The following MROH2B variants were observed in gnomAD, a reference collection of about 807,000 sequenced individuals.
MROH2B encodes maestro heat like repeat family member 2B, also known as maestro heat-like repeat-containing protein family member 2B.
A neutral mutation model predicts 208.6 loss-of-function variants in MROH2B; 177 were observed. The observed-to-expected ratio is 0.85, with a 90% CI of 0.75 to 0.96. The LOEUF is 0.96. MROH2B is among the 40% of genes least tolerant of loss of function. The pLI is 0.00. For missense variants in MROH2B, 2,002 were observed against 1,878.7 expected, an observed-to-expected ratio of 1.07 and a Z score of -1.21; for synonymous variants, 728 against 659.0, an observed-to-expected ratio of 1.10 and a Z score of -1.60.
chr5:41,018,341 C>T lies in MROH2B; in HGVS notation c.2763G>A (p.Glu921=), dbSNP rs1216328689. The T allele has an allele frequency of 2.5e-6, 4 of 1,611,478 alleles. No homozygotes were observed. Among genetic ancestry groups the T allele is most frequent in the East Asian group, 4.5e-5 (2 of 44,872 alleles). ...ITAKVLTNDI[E]APENFKIGSL... ...CTATTCATTCTAGGGGATTACTTAC[C>T]TCAATATCATTTGTCAGCACTTTCG... Residue 921 remains glutamate (E), a splice_region_variant and synonymous_variant, in exon 27 of 42, where the codon GAG becomes GAA. Coordinates refer to ENST00000399564, the MANE Select transcript of MROH2B (RefSeq NM_173489.5).
At chr5:41,052,328 T>C in intron 12 of MROH2B, 137 bp downstream of exon 12, 2 of 796,630 alleles carry the variant, frequency 2.5e-6, no homozygotes, top group Non-Finnish European at 3.3e-6. Context: ...ATTTTTAATT[T>C]TTTTAAAATT....
intron 24 of MROH2B, among the ~76,000 whole-genome samples, chr5:41,023,791 G>A (rs373373590): frequency 2.0e-5 from 3 of 152,218 alleles, no homozygotes; most frequent in East Asian, 1.9e-4. Context: ...GAGAAAGGTC[G>A]GGTTACTCAC....
intron 28 of MROH2B, among the ~76,000 whole-genome samples, chr5:41,015,778 TA>T (rs1245726607): frequency 1.3e-5 from 2 of 152,156 alleles, no homozygotes; most frequent in East Asian, 3.9e-4. Context: ...ACACGGTGAA[TA>T]AAAATAGGAG....
rs1466260622 is a variant in MROH2B, at chr5:41,070,951, G to T, written c.-99C>A. Reference sequence around the variant, plus strand: ...GCAGGTTGGCAAGTTTCTCATATAAGGTTCACATAAGCCTCTCTAAATGAA... The same window carrying T: ...GCAGGTTGGCAAGTTTCTCATATAATGTTCACATAAGCCTCTCTAAATGAA... On this transcript the variant is annotated 5_prime_UTR_variant, in exon 1 of 42. Coordinates refer to ENST00000399564, the MANE Select transcript of MROH2B (RefSeq NM_173489.5). 5 of 1,217,044 alleles carry T rather than the reference G, an allele frequency of 4.1e-6. No individual in the cohort carries two copies. The highest frequency in any genetic ancestry group is 1.5e-5 in the African/African-American group (1 of 66,346). 75.4% of individuals were successfully genotyped at this position (1,217,044 alleles called of 1,614,324 possible). A position where few individuals can be genotyped will look rare whatever the true frequency, so the allele number is the denominator to read the frequency against.
In MROH2B at chr5:41,055,797, A is replaced by G. The variant is rs1321924088; in HGVS notation, c.978T>C (p.Asn326=). The stretch of plus-strand genomic sequence containing the variant: ...TCAAGATTCCCACTCGAATGGCTTC[A>G]TTATTACTTCTTACTTGTTCATCAA... ...EFFDEQVRSN[N]EAIRVGILTL... is the part of the protein sequence containing the mutation. Residue 326 remains asparagine (N), a synonymous_variant, in exon 10 of 42, where the codon AAT becomes AAC. Coordinates refer to ENST00000399564, the MANE Select transcript of MROH2B (RefSeq NM_173489.5). 1 of 1,613,782 alleles carries G rather than the reference A, an allele frequency of 6.2e-7. No homozygotes were observed. The highest frequency in any genetic ancestry group is 2.2e-5 in the East Asian group (1 of 44,878).
At chr5:41,041,188 T>C (rs1342167288) in intron 19 of MROH2B, among the ~76,000 whole-genome samples, 1 of 152,136 alleles carries the variant, frequency 6.6e-6, no homozygotes, top group Non-Finnish European at 1.5e-5. Flanking sequence ...AGTCTAGTGG[T>C]TTCTGGCCAT....
At chr5:40,999,039 T>G (rs1202150127) in intron 40 of MROH2B, among the ~76,000 whole-genome samples, 1 of 152,216 alleles carries the variant, frequency 6.6e-6, no homozygotes, top group Non-Finnish European at 1.5e-5. Context: ...AATCTTCAGA[T>G]TTTTAATTTG....
At chr5:41,001,319 C>T (rs1741389539) in intron 37 of MROH2B, among the ~76,000 whole-genome samples, 1 of 152,136 alleles carries the variant, frequency 6.6e-6, no homozygotes, top group Non-Finnish European at 1.5e-5. Flanking sequence ...CCTTGGTTCT[C>T]AGAGAGGTTA....
chr5:41,055,196 T>C (rs971247560), intron 10 of MROH2B, among the ~76,000 whole-genome samples: 1 of 152,180 alleles, frequency 6.6e-6, no homozygotes, highest in East Asian at 1.9e-4. Context: ...AACTATACCA[T>C]ACTATGCAAA....
chr5:41,009,665 A>G (rs1020035402), intron 31 of MROH2B, among the ~76,000 whole-genome samples: 15 of 152,214 alleles, frequency 9.9e-5, no homozygotes, highest in African/African-American at 3.6e-4. Flanking sequence ...AAAGAGGAGA[A>G]TATTCACTTT....
intron 37 of MROH2B, among the ~76,000 whole-genome samples, chr5:41,001,727 AG>A (rs201921105): frequency 3.2e-4 from 48 of 151,150 alleles, no homozygotes; most frequent in Middle Eastern, 3.4e-3. Flanking sequence ...AAAAAAAGAA[AG>A]AAAAAAAAAA....
chr5:41,034,615 A>ATT (rs199572331), intron 21 of MROH2B, among the ~76,000 whole-genome samples: 32 of 152,030 alleles, frequency 2.1e-4, no homozygotes, highest in African/African-American at 7.7e-4. Flanking sequence ...GTAAAATGCC[A>ATT]TTTTTTTGGG....
intron 24 of MROH2B, among the ~76,000 whole-genome samples, chr5:41,029,599 T>C (rs1742496750): frequency 6.6e-6 from 1 of 152,174 alleles, no homozygotes; most frequent in Non-Finnish European, 1.5e-5. Flanking sequence ...TGGACCCTTA[T>C]GTTACACCAT....
At position 41,004,885 on chromosome 5, in the gene MROH2B, AT is replaced by A. The variant is rs1741526557; in HGVS notation, c.3899del (p.Asn1300IlefsTer6). On this transcript the variant is annotated frameshift_variant, in exon 36 of 42. Transcript: ENST00000399564. LOFTEE classifies it high-confidence loss of function. ...CCATCAAGATCAGCACATTTCGCAG[AT>A]TCCCATGCTTCCAAAGGATTGGTTC... The part of the protein sequence containing the change: ...MKEPILWKHG[N>X]LRNVLILMDQ... The A allele has an allele frequency of 2.5e-6, 4 of 1,613,888 alleles. No individual in the cohort carries two copies. Among genetic ancestry groups the A allele is most frequent in the Admixed American group, 1.7e-5 (1 of 60,006 alleles).
chr5:41,025,097 T>C (rs1742302299), intron 24 of MROH2B, among the ~76,000 whole-genome samples: 2 of 152,224 alleles, frequency 1.3e-5, no homozygotes, highest in South Asian at 4.1e-4. Flanking sequence ...AATCTAAAAT[T>C]GACACCCTAA....
At chr5:41,024,575 C>A (rs1439821227) in intron 24 of MROH2B, among the ~76,000 whole-genome samples, 1 of 152,064 alleles carries the variant, frequency 6.6e-6, no homozygotes, top group African/African-American at 2.4e-5. Flanking sequence ...GACTCCCACA[C>A]AATAATAATG....
chr5:41,010,468 G>C (rs558128179), intron 30 of MROH2B, among the ~76,000 whole-genome samples: 7 of 152,202 alleles, frequency 4.6e-5, no homozygotes, highest in Non-Finnish European at 8.8e-5. Context: ...ACAACCGACA[G>C]GGGAATCCAG....
At position 41,067,238 on chromosome 5, in the gene MROH2B, T is replaced by C. The variant is rs1482441357; in HGVS notation, c.91-20A>G. 7.0e-7 allele frequency: 1 copy of C among 1,432,624 alleles called. No homozygotes were observed. Among genetic ancestry groups the C allele is most frequent in the South Asian group, 1.2e-5 (1 of 81,052 alleles). The allele number at this position is 1,432,624 out of a possible 1,614,324, so 88.7% of individuals were successfully genotyped here. A position where few individuals can be genotyped will look rare whatever the true frequency, so the allele number is the denominator to read the frequency against. On this transcript the variant is annotated intron_variant, in intron 2 of 41. Transcript: ENST00000399564. ...GTCTTCCTGTGAATATACAAAGGCA[T>C]ACACAGAAATTTGGCTTGCAAAAAT...
At position 41,033,108 on chromosome 5, in the gene MROH2B, G is replaced by A; in HGVS notation, c.2294C>T (p.Ala765Val). Residue 765 changes from alanine (A) to valine (V), a missense_variant, in exon 23 of 42, where the codon GCT (alanine) becomes GTT (valine). Physicochemically the swap from Ala to Val is moderately conservative, Grantham distance 64. Transcript: ENST00000399564. The part of the protein sequence containing the change: ...FTRSITEIGI[A>V]VQDAEDQGFQ... ...CCCCTGATCCTCAGCATCTTGGACA[G>A]CAATGCCAATCTCAGTGATGCTTCT... is the stretch of plus-strand genomic sequence containing the variant. 1 of 1,613,066 alleles carries A rather than the reference G, an allele frequency of 6.2e-7. No individual in the cohort carries two copies. Among genetic ancestry groups the A allele is most frequent in the East Asian group, 2.2e-5 (1 of 44,874 alleles).
Sources: gnomAD v4.1 joint callset for allele counts (sites outside exome capture counted in the v4.1 genomes callset) on GRCh38, gnomAD v4.1.1 for gene constraint, MANE v1.5 for transcripts, NCBI Gene and HGNC (gene_info 2026-07-23, HGNC 2026-07-21) for gene names.